Variants in RCAN3 observed in about 807,000 individuals in gnomAD.
The protein encoded by RCAN3 is regulator of calcineurin 3, also known as calcipressin-3.
A neutral mutation model predicts 21.9 loss-of-function variants in RCAN3; 19 were observed. The observed-to-expected ratio is 0.87, with a 90% confidence interval of 0.61 to 1.27. RCAN3 has a LOEUF of 1.27. Among genes scored for constraint, RCAN3 ranks in the 50% most tolerant of loss-of-function variants. The pLI, the probability that RCAN3 is intolerant of heterozygous loss-of-function variation, is 0.00. For synonymous variants in RCAN3, 114 were observed against 112.3 expected, an observed-to-expected ratio of 1.01 and a Z score of -0.09; for missense variants, 240 against 300.1, an observed-to-expected ratio of 0.80 and a Z score of 1.48.
intron 2 of RCAN3, 66 bp from the exon 3 acceptor site, chr1:24,531,152 C>A: frequency 1.8e-6 from 2 of 1,127,672 alleles, no homozygotes; most frequent in Non-Finnish European, 2.4e-6. Context: ...ATTTCCCCTT[C>A]TGTTAAAGGT....
chr1:24,526,172 G>A (rs1327167969), intron 2 of RCAN3, among the ~76,000 whole-genome samples: 1 of 152,066 alleles, frequency 6.6e-6, no homozygotes, highest in Non-Finnish European at 1.5e-5. Flanking sequence ...GCTCACTGCG[G>A]CCTCGAACTC....
intron 2 of RCAN3, among the ~76,000 whole-genome samples, chr1:24,515,709 G>A (rs371142034): frequency 3.3e-5 from 5 of 152,268 alleles, no homozygotes; most frequent in Admixed American, 6.5e-5. Flanking sequence ...TGTGCCAGGC[G>A]CTGGTGCCAG....
At chr1:24,508,036 G>A (rs141546871) in intron 1 of RCAN3, among the ~76,000 whole-genome samples, 220 of 152,162 alleles carry the variant, frequency 1.4e-3, no homozygotes, top group African/African-American at 5.0e-3. Flanking sequence ...CCGAGATTGC[G>A]CCAGTGAGCC....
At chr1:24,520,287 CAATT>C (rs1648678961) in intron 2 of RCAN3, among the ~76,000 whole-genome samples, 1 of 152,066 alleles carries the variant, frequency 6.6e-6, no homozygotes, top group Non-Finnish European at 1.5e-5. Flanking sequence ...CTTTGAGGCT[CAATT>C]AAATACTAGA....
chr1:24,508,890 G>T (rs1647668942), intron 1 of RCAN3, among the ~76,000 whole-genome samples: 1 of 152,114 alleles, frequency 6.6e-6, no homozygotes, highest in African/African-American at 2.4e-5. Context: ...GGTTGGTGTG[G>T]TGGCTCACAC....
intron 1 of RCAN3, among the ~76,000 whole-genome samples, chr1:24,506,406 A>G (rs1181590058): frequency 6.6e-6 from 1 of 152,238 alleles, no homozygotes; most frequent in East Asian, 1.9e-4. Context: ...TGCATTTGAC[A>G]AATTATGTAT....
intron 1 of RCAN3, 119 bp downstream of exon 1, chr1:24,503,269 C>G (rs1347849617): frequency 6.7e-6 from 1 of 149,924 alleles, no homozygotes; most frequent in Admixed American, 6.6e-5. Flanking sequence ...GGGGTGGGCA[C>G]TCCGAGCCGC....
At chr1:24,517,768 G>A (rs545471719) in intron 2 of RCAN3, among the ~76,000 whole-genome samples, 2 of 152,282 alleles carry the variant, frequency 1.3e-5, no homozygotes, top group South Asian at 2.1e-4. Flanking sequence ...CAAGGCAAGA[G>A]GATCGCTTGA....
At position 24,514,508 on chromosome 1, in the gene RCAN3, C is replaced by G; in HGVS notation, c.136C>G (p.Pro46Ala). Reference sequence around the variant, plus strand: ...TGAGATGATGGATTTAAGTGATCTGCCTACCTCACTTTTTGCTTGCAGCGT... The same window carrying G: ...TGAGATGATGGATTTAAGTGATCTGGCTACCTCACTTTTTGCTTGCAGCGT... Reference protein sequence around the residue: ...LDEMMDLSDLPTSLFACSVHE... With the variant: ...LDEMMDLSDLATSLFACSVHE... The change falls in exon 2 of 5, where the codon CCT becomes GCT. Residue 46 changes from proline to alanine, a missense_variant. Physicochemically the swap from Pro to Ala is conservative, Grantham distance 27 (BLOSUM62 -1). Coordinates refer to ENST00000374395, the MANE Select transcript of RCAN3 (RefSeq NM_013441.4). 6.8e-6 allele frequency: 11 copies of G among 1,614,122 alleles called. No homozygotes were observed. The highest frequency in any genetic ancestry group is 9.3e-6 in the Non-Finnish European group (11 of 1,180,006).
At chr1:24,502,488 A>T (rs555380718), upstream of RCAN3, 263 of 152,234 alleles carry the variant, frequency 1.7e-3, 2 homozygotes, top group Non-Finnish European at 1.6e-3. Flanking sequence ...CGCGGGGCGC[A>T]GTGTACATAG....
At chr1:24,507,314 C>A (rs1647519815) in intron 1 of RCAN3, among the ~76,000 whole-genome samples, 2 of 152,196 alleles carry the variant, frequency 1.3e-5, no homozygotes, top group African/African-American at 4.8e-5. Context: ...CCATTCTTTT[C>A]CTCCTGAAAT....
Position 24,514,438 on chromosome 1 carries a change from A to T in RCAN3, c.66A>T (p.Glu22Asp). ...SQSDLCSTDQEEEEEMIFGEN... is the reference protein window; with the variant it reads ...SQSDLCSTDQDEEEEMIFGEN... ...CAGATCTGTGTAGCACTGACCAAGAAGAGGAAGAAGAGATGATTTTTGGTG... is the reference window on the plus strand; with the variant it reads ...CAGATCTGTGTAGCACTGACCAAGATGAGGAAGAAGAGATGATTTTTGGTG... Residue 22 changes from glutamate to aspartate, a missense_variant, in exon 2 of 5, where the codon GAA becomes GAT. By Grantham distance (45) the Glu-to-Asp change is conservative (BLOSUM62 2). Coordinates refer to ENST00000374395, the MANE Select transcript of RCAN3 (RefSeq NM_013441.4). 1.2e-6 allele frequency: 2 copies of T among 1,614,186 alleles called. No individual in the cohort carries two copies. The highest frequency in any genetic ancestry group is 2.2e-5 in the South Asian group (2 of 91,086).
At chr1:24,507,995 T>C (rs185453911) in intron 1 of RCAN3, among the ~76,000 whole-genome samples, 2 of 152,278 alleles carry the variant, frequency 1.3e-5, no homozygotes, top group East Asian at 3.9e-4. Flanking sequence ...GGAGAATCGC[T>C]TGAACCCTGG....
In RCAN3 at chr1:24,539,387, C is replaced by G. The variant is rs539976169; in HGVS notation, c.*4110C>G. The G allele has an allele frequency of 6.6e-6, 1 of 152,236 alleles. No individual in the cohort carries two copies. The highest frequency in any genetic ancestry group is 6.5e-5 in the Admixed American group (1 of 15,292). 9.4% of individuals were successfully genotyped at this position (152,236 alleles called of 1,614,324 possible). On this transcript the variant is annotated 3_prime_UTR_variant, in exon 5 of 5. Transcript: ENST00000374395. ...TTTTGTAGTTTTGTTATCATTGAAC[C>G]ATTGGGGCTGGAATCTGCCTAAATA...
chr1:24,524,456 G>C (rs887240532), intron 2 of RCAN3, among the ~76,000 whole-genome samples: 50 of 152,220 alleles, frequency 3.3e-4, no homozygotes, highest in African/African-American at 1.1e-3. Context: ...TTTGACTGTA[G>C]GTCCCAGAAT....
intron 4 of RCAN3, among the ~76,000 whole-genome samples, chr1:24,534,843 A>G (rs1439263413): frequency 6.6e-6 from 1 of 152,250 alleles, no homozygotes; most frequent in African/African-American, 2.4e-5. Flanking sequence ...CATATTATTC[A>G]TAAAACAATA....
At chr1:24,524,123 G>A (rs911676293) in intron 2 of RCAN3, among the ~76,000 whole-genome samples, 4 of 152,070 alleles carry the variant, frequency 2.6e-5, no homozygotes, top group Non-Finnish European at 5.9e-5. Context: ...CCAGCTACTT[G>A]GGAGGCTGAG....
At chr1:24,505,906 A>C (rs2148889894) in intron 1 of RCAN3, among the ~76,000 whole-genome samples, 1 of 152,350 alleles carries the variant, frequency 6.6e-6, no homozygotes, top group African/African-American at 2.4e-5. Context: ...CAGAAAATGC[A>C]AGATCCATGC....
chr1:24,534,216 CTG>C (rs1212340094), intron 4 of RCAN3, among the ~76,000 whole-genome samples: 2 of 152,146 alleles, frequency 1.3e-5, no homozygotes, highest in Non-Finnish European at 2.9e-5. Flanking sequence ...GACGTTAGAG[CTG>C]TGTCTTAGAT....
Sources: gnomAD v4.1 joint callset for allele counts (sites outside exome capture counted in the v4.1 genomes callset) on GRCh38, gnomAD v4.1.1 for gene constraint, MANE v1.5 for transcripts, NCBI Gene and HGNC (gene_info 2026-07-23, HGNC 2026-07-21) for gene names.